The following APMAP variants were observed in gnomAD, a reference collection of about 807,000 sequenced individuals.
APMAP encodes the protein adipocyte plasma membrane-associated protein.
Under a neutral mutation model 43.6 loss-of-function variants are expected in APMAP, and 33 were observed. That is an observed-to-expected ratio of 0.76 (90% confidence interval 0.57 to 1.01). The LOEUF is 1.01. APMAP is among the 50% of genes least tolerant of loss of function. APMAP has a pLI of 0.00. For synonymous variants in APMAP, 224 were observed against 216.7 expected (o/e 1.03, Z -0.30); for missense variants, 498 against 540.7 (o/e 0.92, Z 0.78).
At chr20:24,977,266 A>G (rs368263649) in intron 3 of APMAP, among the ~76,000 whole-genome samples, 1 of 152,270 alleles carries the variant, frequency 6.6e-6, no homozygotes, top group African/African-American at 2.4e-5. Context: ...GAGGCTGTGC[A>G]TGGCATGTGT....
intron 4 of APMAP, among the ~76,000 whole-genome samples, chr20:24,972,130 T>C (rs1241775150): frequency 0.028 from 1,617 of 58,388 alleles, no homozygotes; most frequent in Middle Eastern, 0.075. Context: ...GGGGTGCTCA[T>C]TGCAGGTGCT....
intron 1 of APMAP, among the ~76,000 whole-genome samples, chr20:24,988,458 C>G (rs1248059549): frequency 1.3e-5 from 2 of 152,224 alleles, no homozygotes; most frequent in African/African-American, 2.4e-5. Flanking sequence ...ACGGGGCTTA[C>G]AGCCAGAAAG....
At chr20:24,974,704 T>C (rs1387903565) in intron 3 of APMAP, among the ~76,000 whole-genome samples, 1 of 152,164 alleles carries the variant, frequency 6.6e-6, no homozygotes, top group Non-Finnish European at 1.5e-5. Context: ...CTGTATTAAA[T>C]TCAGACAGAG....
At chr20:24,979,390 G>C (rs897386864) in intron 2 of APMAP, among the ~76,000 whole-genome samples, 2 of 152,166 alleles carry the variant, frequency 1.3e-5, no homozygotes, top group African/African-American at 4.8e-5. Context: ...GCCACCTCCC[G>C]CTGATATTCT....
rs1167988612 is a variant in APMAP, at chr20:24,978,799, A to T, written c.296T>A (p.Leu99His). The part of the protein sequence containing the change: ...RQAERLFENQ[L>H]VGPESIAHIG... Reference sequence around the variant, plus strand: ...ATGTGCTATGGACTCCGGTCCAACAAGTTGATTTTCAAACAGCCTTTCTGC... The same window carrying T: ...ATGTGCTATGGACTCCGGTCCAACATGTTGATTTTCAAACAGCCTTTCTGC... Residue 99 changes from leucine to histidine, a missense_variant, in exon 3 of 9, where the codon CTT (leucine) becomes CAT (histidine). Leu to His is a moderately conservative substitution (Grantham distance 99). Transcript: ENST00000217456. 1.0e-5 allele frequency: 16 copies of T among 1,598,518 alleles called. No individual in the cohort carries two copies. Among genetic ancestry groups the T allele is most frequent in the Non-Finnish European group, 1.3e-5 (15 of 1,170,442 alleles).
At chr20:24,978,723 C>A in intron 3 of APMAP, 44 bp downstream of exon 3, 1 of 1,137,776 alleles carries the variant, frequency 8.8e-7, no homozygotes, top group Admixed American at 1.9e-5. Context: ...CCTCAGACAA[C>A]AGACAGCCTG....
intron 3 of APMAP, among the ~76,000 whole-genome samples, chr20:24,977,820 C>G (rs1467654528): frequency 6.6e-6 from 1 of 152,194 alleles, no homozygotes; most frequent in Admixed American, 6.5e-5. Flanking sequence ...AAATAAATGC[C>G]AATGTCTTTT....
intron 7 of APMAP, 59 bp downstream of exon 7, chr20:24,969,467 C>T (rs1600281074): frequency 2.6e-6 from 4 of 1,547,384 alleles, no homozygotes; most frequent in East Asian, 2.3e-5. Context: ...ATGCCCACCC[C>T]ACCCCGGCCA....
intron 3 of APMAP, among the ~76,000 whole-genome samples, chr20:24,975,027 C>A (rs1306099541): frequency 2.6e-5 from 4 of 152,128 alleles, no homozygotes. Context: ...GGGAAACTTT[C>A]TTAACTTGAT....
At chr20:24,969,241 G>A (rs1444390974) in intron 7 of APMAP, among the ~76,000 whole-genome samples, 157 bp from the exon 8 acceptor site, 1 of 152,132 alleles carries the variant, frequency 6.6e-6, no homozygotes, top group Non-Finnish European at 1.5e-5. Flanking sequence ...AGAAACCTTT[G>A]TGCACAGGGC....
chr20:24,975,856 A>G (rs1373848142), intron 3 of APMAP, among the ~76,000 whole-genome samples: 1 of 152,246 alleles, frequency 6.6e-6, no homozygotes, highest in Non-Finnish European at 1.5e-5. Flanking sequence ...TAAAATTTTT[A>G]GCCCAGAGAC....
intron 3 of APMAP, among the ~76,000 whole-genome samples, chr20:24,976,757 T>C (rs1179848841): frequency 2.0e-5 from 3 of 152,226 alleles, no homozygotes; most frequent in African/African-American, 7.2e-5. Flanking sequence ...GCCTTATTCA[T>C]AACTGCCAAA....
chr20:24,990,032 T>C (rs1299272601), intron 1 of APMAP, among the ~76,000 whole-genome samples: 1 of 152,238 alleles, frequency 6.6e-6, no homozygotes, highest in Non-Finnish European at 1.5e-5. Context: ...CAGTCACATA[T>C]GGACATTAAA....
intron 1 of APMAP, among the ~76,000 whole-genome samples, chr20:24,984,695 A>G (rs1196622070): frequency 3.9e-5 from 6 of 152,258 alleles, no homozygotes; most frequent in African/African-American, 7.2e-5. Flanking sequence ...TTGGGAAGAT[A>G]TGAAAGCTTC....
chr20:24,978,748 C>CCCCCCCA lies in APMAP; in HGVS notation c.328+18_328+19insTGGGGGG. 7.5e-7 allele frequency: 1 copy of CCCCCCCA among 1,325,758 alleles called. No homozygotes were observed. The highest frequency in any genetic ancestry group is 1.0e-6 in the Non-Finnish European group (1 of 954,898). The allele number at this position is 1,325,758 out of a possible 1,614,324, so 82.1% of individuals were successfully genotyped here. On this transcript the variant is annotated intron_variant, in intron 3 of 8. Transcript: ENST00000217456. ...CAGACAGCCTGGAAGGCTCCCCCCC[C>CCCCCCCA]ACCCAAGCTTAGACTTACCCCCAAT... is the stretch of plus-strand genomic sequence containing the variant.
intron 8 of APMAP, among the ~76,000 whole-genome samples, chr20:24,965,985 G>A (rs1052622050): frequency 1.1e-4 from 17 of 152,290 alleles, no homozygotes; most frequent in East Asian, 9.7e-4. Flanking sequence ...GTCTACGCGT[G>A]CAGGTATATG....
intron 8 of APMAP, chr20:24,964,300 C>T: frequency 1.6e-6 from 1 of 609,632 alleles, no homozygotes; most frequent in Non-Finnish European, 3.2e-6. Flanking sequence ...GATGGCCTGG[C>T]TGAACTGAGA....
rs1042737123 is a variant in APMAP at position 24,980,932 on chromosome 20, C to T, written c.213-2050G>A. 2.0e-5 allele frequency among the ~76,000 whole-genome samples: 3 copies of T among 152,234 alleles called. No homozygotes were observed. In the East Asian group the frequency reaches 5.8e-4, roughly 29 times the overall value. ...AAGAGGATCAGGCCAGCAGACGGGG[C>T]AGAAACGGCCACTCAGCTGATGGAC... On this transcript the variant is annotated intron_variant, in intron 2 of 8. Transcript: ENST00000217456.
rs567239603 is a variant in APMAP at position 24,987,743 on chromosome 20, A to G, written c.96-3724T>C. Among the ~76,000 whole-genome samples, 3 of 152,322 alleles carry G rather than the reference A, an allele frequency of 2.0e-5. No homozygotes were observed. In the South Asian group the frequency reaches 6.2e-4, roughly 32 times the overall value. On this transcript the variant is annotated intron_variant, in intron 1 of 8. Transcript: ENST00000217456. ...AATCACTGATTTGAACATTTTAAGTAGGTTAATTTTATGGTATGTGAATTA... is the reference window on the plus strand; with the variant it reads ...AATCACTGATTTGAACATTTTAAGTGGGTTAATTTTATGGTATGTGAATTA...
Sources: allele counts gnomAD v4.1 joint callset (sites outside exome capture counted in the v4.1 genomes callset), GRCh38; gene constraint gnomAD v4.1.1; transcripts MANE v1.5; gene names NCBI Gene and HGNC (gene_info 2026-07-23, HGNC 2026-07-21).